Variants in EXOC6 observed in about 807,000 individuals in gnomAD.
EXOC6 encodes the protein SEC15-like 1.
In EXOC6, 60 loss-of-function variants were observed where a neutral mutation model predicts 112.5. The ratio of observed to expected loss-of-function variants is 0.53; its 90% CI spans 0.43 to 0.66. The LOEUF (loss-of-function observed/expected upper bound fraction) is 0.66, where lower values mean the gene tolerates loss of function less well. Ranked by LOEUF, EXOC6 falls within the 30% of genes least tolerant of loss-of-function variation. The pLI, the probability that EXOC6 is intolerant of heterozygous loss-of-function variation, is 0.00. For synonymous variants in EXOC6, 295 were observed against 308.0 expected (o/e 0.96, Z 0.44); for missense variants, 855 against 957.1 (o/e 0.89, Z 1.41).
At position 92,954,622 on chromosome 10, in the gene EXOC6, G is replaced by T; in HGVS notation, c.1527-8G>T. On this transcript the variant is annotated splice_polypyrimidine_tract_variant and splice_region_variant and intron_variant, in intron 15 of 21. Transcript: ENST00000260762. ...ATTAAGTTTAATAATATCAATCTTT[G>T]TTTTTAGCTCAACAGAAATAGACGA... is the stretch of plus-strand genomic sequence containing the variant. 1 of 1,474,492 alleles carries T rather than the reference G, an allele frequency of 6.8e-7. No individual in the cohort carries two copies. 91.3% of individuals were successfully genotyped at this position (1,474,492 alleles called of 1,614,324 possible).
intron 13 of EXOC6, among the ~76,000 whole-genome samples, chr10:92,946,165 C>G (rs953879954): frequency 6.6e-6 from 1 of 151,958 alleles, no homozygotes; most frequent in Non-Finnish European, 1.5e-5. Context: ...GCGTGGTGGC[C>G]GGCGCCTGTA....
chr10:93,002,145 T>G (rs1843785602), intron 19 of EXOC6, among the ~76,000 whole-genome samples: 1 of 152,174 alleles, frequency 6.6e-6, no homozygotes, highest in Non-Finnish European at 1.5e-5. Flanking sequence ...CCTCCCCCCC[T>G]TTTTTGGTGA....
chr10:92,915,138 A>G (rs1163923363), intron 6 of EXOC6, among the ~76,000 whole-genome samples: 1 of 152,208 alleles, frequency 6.6e-6, no homozygotes, highest in East Asian at 1.9e-4. Context: ...GTTAATGGCT[A>G]ATTCAGGAAG....
chr10:92,940,664 A>G, intron 12 of EXOC6, 63 bp from the exon 13 acceptor site: 1 of 1,100,262 alleles, frequency 9.1e-7, no homozygotes, highest in East Asian at 2.4e-5. Flanking sequence ...TAGTATTCCC[A>G]ACATTTTTAA....
chr10:92,975,564 G>GT (rs1842517752), intron 18 of EXOC6, among the ~76,000 whole-genome samples: 1 of 147,900 alleles, frequency 6.8e-6, no homozygotes, highest in African/African-American at 2.6e-5. Context: ...CGGGACGGAG[G>GT]TGGGGGGATC....
At chr10:92,907,223 A>G (rs961241424) in intron 5 of EXOC6, among the ~76,000 whole-genome samples, 1 of 152,160 alleles carries the variant, frequency 6.6e-6, no homozygotes, top group Non-Finnish European at 1.5e-5. Flanking sequence ...GAGAGAGCAA[A>G]TATGAGGGTG....
intron 20 of EXOC6, among the ~76,000 whole-genome samples, chr10:93,049,385 A>G (rs1472516228): frequency 2.0e-5 from 3 of 152,046 alleles, no homozygotes; most frequent in South Asian, 2.1e-4. Flanking sequence ...TTAATAGCCA[A>G]AAAAGATAAA....
At chr10:92,914,183 G>A (rs1850956125) in intron 6 of EXOC6, among the ~76,000 whole-genome samples, 1 of 152,106 alleles carries the variant, frequency 6.6e-6, no homozygotes, top group Non-Finnish European at 1.5e-5. Context: ...TCATAGGAGC[G>A]CAAACTCTAT....
At chr10:93,055,469 C>A (rs921988001) in intron 20 of EXOC6, among the ~76,000 whole-genome samples, 2 of 152,080 alleles carry the variant, frequency 1.3e-5, no homozygotes, top group Admixed American at 6.6e-5. Context: ...AAGGGAATGG[C>A]CACTTTTATA....
intron 17 of EXOC6, among the ~76,000 whole-genome samples, chr10:92,964,983 C>T (rs1841985023): frequency 6.6e-6 from 1 of 152,168 alleles, no homozygotes; most frequent in South Asian, 2.1e-4. Flanking sequence ...TCTCCCTCCA[C>T]CAGCTGCTGT....
At chr10:92,829,200 A>G (rs1005407833) in intron 1 of EXOC6, among the ~76,000 whole-genome samples, 10 of 152,098 alleles carry the variant, frequency 6.6e-5, no homozygotes, top group African/African-American at 2.4e-4. Flanking sequence ...CATTTGCATG[A>G]TAAGATTAGG....
intron 1 of EXOC6, among the ~76,000 whole-genome samples, chr10:92,840,667 C>CTT (rs572526057): frequency 6.9e-6 from 1 of 144,224 alleles, no homozygotes; most frequent in Admixed American, 7.0e-5. Context: ...GAGTGTAGAA[C>CTT]TTTTTTTTTT....
chr10:92,997,074 A>G (rs756090331), intron 18 of EXOC6, among the ~76,000 whole-genome samples: 10 of 152,186 alleles, frequency 6.6e-5, no homozygotes, highest in Non-Finnish European at 1.5e-4. Context: ...TTAATTAGCT[A>G]AAGGAGAGAT....
At chr10:92,985,315 C>T (rs1189962932) in intron 18 of EXOC6, among the ~76,000 whole-genome samples, 4 of 152,164 alleles carry the variant, frequency 2.6e-5, no homozygotes, top group Non-Finnish European at 5.9e-5. Context: ...CTCTGGACTT[C>T]TAATGCACAG....
chr10:93,028,870 C>T (rs1845143642), intron 20 of EXOC6, among the ~76,000 whole-genome samples: 1 of 147,790 alleles, frequency 6.8e-6, no homozygotes, highest in Admixed American at 6.7e-5. Context: ...TAGAATATTA[C>T]ATAAACTTAG....
At chr10:92,869,411 G>A (rs533173157) in intron 1 of EXOC6, among the ~76,000 whole-genome samples, 19 of 152,164 alleles carry the variant, frequency 1.2e-4, no homozygotes, top group African/African-American at 4.6e-4. Flanking sequence ...TGGGCTTAAG[G>A]GATCCTCTCA....
intron 18 of EXOC6, among the ~76,000 whole-genome samples, chr10:92,991,082 A>G (rs74149192): frequency 0.013 from 1,930 of 151,478 alleles, 37 homozygotes; most frequent in African/African-American, 0.045. Flanking sequence ...TAATGATTAT[A>G]TGTAAACCAC....
At chr10:92,921,546 C>G (rs1851445285) in intron 8 of EXOC6, among the ~76,000 whole-genome samples, 1 of 151,938 alleles carries the variant, frequency 6.6e-6, no homozygotes, top group South Asian at 2.1e-4. Context: ...CCTAGCCCAG[C>G]CTATTTTCTT....
intron 19 of EXOC6, among the ~76,000 whole-genome samples, chr10:93,001,500 C>T (rs1405688957): frequency 6.6e-6 from 1 of 152,188 alleles, no homozygotes; most frequent in Non-Finnish European, 1.5e-5. Flanking sequence ...GTTAGAGTCA[C>T]CACCAGTCTA....
Sources: gnomAD v4.1 joint callset for allele counts (sites outside exome capture counted in the v4.1 genomes callset) on GRCh38, gnomAD v4.1.1 for gene constraint, MANE v1.5 for transcripts, NCBI Gene and HGNC (gene_info 2026-07-23, HGNC 2026-07-21) for gene names.